TENT5C: variants seen among roughly 807,000 people sequenced by gnomAD.
The protein encoded by TENT5C is terminal nucleotidyltransferase 5C.
Under a neutral mutation model 22.2 loss-of-function variants are expected in TENT5C, and 5 were observed. That is an observed-to-expected ratio of 0.22 (90% CI 0.12 to 0.47). TENT5C has a LOEUF of 0.47. TENT5C is among the 20% of genes least tolerant of loss of function. TENT5C has a pLI of 0.99. For missense variants in TENT5C, 364 were observed against 500.9 expected, an observed-to-expected ratio of 0.73 and a Z score of 2.61; for synonymous variants, 199 against 195.4, an observed-to-expected ratio of 1.02 and a Z score of -0.15.
At chr1:117,618,619 G>T (rs1653835196) in intron 1 of TENT5C, among the ~76,000 whole-genome samples, 1 of 152,140 alleles carries the variant, frequency 6.6e-6, no homozygotes, top group Non-Finnish European at 1.5e-5. Context: ...GGAAAAAGGG[G>T]ATTGAAGAAG....
chr1:117,623,636 G>A lies in TENT5C; in HGVS notation c.768G>A (p.Arg256=), dbSNP rs376031473. ...KYSNLLVRDF[R]PTDQEEIKTL... ...GCAACCTTCTTGTGCGGGACTTCAG[G>A]CCCACAGACCAGGAAGAAATCAAAA... is the stretch of plus-strand genomic sequence containing the variant. The change falls in exon 2 of 2, where the codon AGG becomes AGA. Residue 256 remains arginine (R), a synonymous_variant. Coordinates refer to ENST00000369448, the MANE Select transcript of TENT5C (RefSeq NM_017709.4). 11 of 1,613,656 alleles carry A rather than the reference G, an allele frequency of 6.8e-6. No homozygotes were observed. The African/African-American group carries it at 1.3e-4, about 20-fold the overall frequency.
In TENT5C at chr1:117,626,903, G is replaced by A. The variant is rs377050301; in HGVS notation, c.*2859G>A. The A allele has an allele frequency of 8.1e-6, 2 of 248,084 alleles. No individual in the cohort carries two copies. Among genetic ancestry groups the A allele is most frequent in the East Asian group, 6.0e-5 (1 of 16,606 alleles). The allele number at this position is 248,084 out of a possible 1,614,324, so 15.4% of individuals were successfully genotyped here. A position where few individuals can be genotyped will look rare whatever the true frequency, so the allele number is the denominator to read the frequency against. On this transcript the variant is annotated 3_prime_UTR_variant, in exon 2 of 2. Transcript: ENST00000369448. ...GAGTCAGGTTGAGCATCAGTGAGAT[G>A]AAGACAGTACCTTTTCCTCTCACAT...
chr1:117,622,747 A>C, intron 1 of TENT5C, 95 bp from the exon 2 acceptor site: 3 of 799,938 alleles, frequency 3.8e-6, no homozygotes, highest in East Asian at 2.7e-5. Context: ...ACCATTTTAC[A>C]GGAAGATGTT....
At chr1:117,609,590 C>T (rs553877150) in intron 1 of TENT5C, among the ~76,000 whole-genome samples, 1 of 152,144 alleles carries the variant, frequency 6.6e-6, no homozygotes, top group Non-Finnish European at 1.5e-5. Flanking sequence ...GTGCTGAGGA[C>T]GCCAAGGCAG....
At position 117,623,276 on chromosome 1, in the gene TENT5C, G is replaced by T; in HGVS notation, c.408G>T (p.Glu136Asp). 1 of 1,614,158 alleles carries T rather than the reference G, an allele frequency of 6.2e-7. No homozygotes were observed. The highest frequency in any genetic ancestry group is 1.1e-5 in the South Asian group (1 of 91,070). ...KLKISPVTLK[E>D]AYVQKLVKVC... ...AAATCAGTCCAGTCACTCTGAAGGA[G>T]GCATATGTGCAGAAGCTAGTGAAGG... Residue 136 changes from glutamate (E) to aspartate (D), a missense_variant, in exon 2 of 2, where the codon GAG becomes GAT. Around this residue, in one of 3 missense-constraint regions of TENT5C, gnomAD observed 303 missense variants for 394.5 expected, o/e 0.77. Transcript: ENST00000369448.
rs1355347862 is a variant in TENT5C, at chr1:117,626,135, A to G, written c.*2091A>G. On this transcript the variant is annotated 3_prime_UTR_variant, in exon 2 of 2. Transcript: ENST00000369448. ...TGTTTAACCAAAGCTTTGAAATGTG[A>G]TGAAGCCACCAACATAAGCACTTGC... 1 of 247,872 alleles carries G rather than the reference A, an allele frequency of 4.0e-6. No homozygotes were observed. The highest frequency in any genetic ancestry group is 8.5e-6 in the Non-Finnish European group (1 of 118,024). The allele number at this position is 247,872 out of a possible 1,614,324, so 15.4% of individuals were successfully genotyped here. A position where few individuals can be genotyped will look rare whatever the true frequency, so the allele number is the denominator to read the frequency against.
chr1:117,620,736 T>G (rs1364994255), intron 1 of TENT5C, among the ~76,000 whole-genome samples: 1 of 152,064 alleles, frequency 6.6e-6, no homozygotes, highest in African/African-American at 2.4e-5. Flanking sequence ...TGAACCCTAG[T>G]GTGAGCTGAG....
Position 117,618,355 on chromosome 1 carries a change from G to A in TENT5C, c.-27-4487G>A, listed in dbSNP as rs554750760. ...AAATTTCTTTTGGTTAACATAGAAT[G>A]AGATGAGAGGAGATGGATTTGCATG... On this transcript the variant is annotated intron_variant, in intron 1 of 1. Coordinates refer to ENST00000369448, the MANE Select transcript of TENT5C (RefSeq NM_017709.4). 2.2e-4 allele frequency among the ~76,000 whole-genome samples: 33 copies of A among 152,186 alleles called. 1 individual carries two copies. Among genetic ancestry groups the A allele is most frequent in the African/African-American group, 5.8e-4 (24 of 41,520 alleles).
intron 1 of TENT5C, among the ~76,000 whole-genome samples, chr1:117,612,818 T>A (rs1653697871): frequency 6.6e-6 from 1 of 152,254 alleles, no homozygotes; most frequent in South Asian, 2.1e-4. Flanking sequence ...CCTTTCCTGA[T>A]AAGGCCTGGG....
At chr1:117,619,659 T>C (rs1653854519) in intron 1 of TENT5C, among the ~76,000 whole-genome samples, 2 of 152,218 alleles carry the variant, frequency 1.3e-5, no homozygotes, top group Non-Finnish European at 2.9e-5. Context: ...TAGAGTTTCA[T>C]GCTTTTACAT....
chr1:117,618,298 G>T, intron 1 of TENT5C, among the ~76,000 whole-genome samples: 1 of 152,026 alleles, frequency 6.6e-6, no homozygotes, highest in Admixed American at 6.6e-5. Context: ...TGTTTGAAAT[G>T]AGAAATAGCA....
At chr1:117,614,818 A>G (rs1329811098) in intron 1 of TENT5C, among the ~76,000 whole-genome samples, 2 of 151,910 alleles carry the variant, frequency 1.3e-5, no homozygotes, top group Non-Finnish European at 2.9e-5. Context: ...TCCTCTTATT[A>G]CTAGTTCAGC....
At chr1:117,610,394 C>T (rs1039155258) in intron 1 of TENT5C, among the ~76,000 whole-genome samples, 1 of 152,150 alleles carries the variant, frequency 6.6e-6, no homozygotes, top group Admixed American at 6.5e-5. Context: ...AACAGATACT[C>T]ATATCTGCAC....
intron 1 of TENT5C, among the ~76,000 whole-genome samples, chr1:117,617,228 A>C (rs1429397288): frequency 6.6e-6 from 1 of 151,862 alleles, no homozygotes; most frequent in African/African-American, 2.4e-5. Context: ...TTCAGTGCTC[A>C]AACATAGGTT....
rs1293387089 is a variant in TENT5C at position 117,625,973 on chromosome 1, C to T, written c.*1929C>T. On this transcript the variant is annotated 3_prime_UTR_variant, in exon 2 of 2. Coordinates refer to ENST00000369448, the MANE Select transcript of TENT5C (RefSeq NM_017709.4). ...CTAATTGAGGGGACCCAGTGTGCTT[C>T]AGTGTTAAGAGTGGGGCAATGAAGA... The T allele has an allele frequency of 4.0e-6, 1 of 247,440 alleles. No homozygotes were observed. The highest frequency in any genetic ancestry group is 8.5e-6 in the Non-Finnish European group (1 of 117,872). The allele number at this position is 247,440 out of a possible 1,614,324, so 15.3% of individuals were successfully genotyped here. A position where few individuals can be genotyped will look rare whatever the true frequency, so the allele number is the denominator to read the frequency against.
chr1:117,617,163 C>T (rs1437257529), intron 1 of TENT5C, among the ~76,000 whole-genome samples: 2 of 152,104 alleles, frequency 1.3e-5, no homozygotes, highest in Non-Finnish European at 2.9e-5. Flanking sequence ...CTGGCTAGTC[C>T]AGAGATCTAG....
intron 1 of TENT5C, among the ~76,000 whole-genome samples, chr1:117,607,171 C>T (rs1200227153): frequency 6.6e-6 from 1 of 152,168 alleles, no homozygotes; most frequent in African/African-American, 2.4e-5. Flanking sequence ...AGCGCTACCT[C>T]CAAGTAAGGG....
chr1:117,607,857 GCT>G (rs2101071266), intron 1 of TENT5C, among the ~76,000 whole-genome samples: 1 of 152,274 alleles, frequency 6.6e-6, no homozygotes, highest in South Asian at 2.1e-4. Flanking sequence ...TCTGAGCTGG[GCT>G]GCAGGGGTTC....
In TENT5C at chr1:117,623,073, G is replaced by A. The variant is rs745917069; in HGVS notation, c.205G>A (p.Val69Ile). The change falls in exon 2 of 2, where the codon GTC becomes ATC. Residue 69 changes from valine to isoleucine, a missense_variant. Physicochemically the swap from Val to Ile is conservative, Grantham distance 29 (BLOSUM62 3). Transcript: ENST00000369448. ...LEEAGIKVHD[V>I]RLNGSAAGHV... is the part of the protein sequence containing the mutation. Reference sequence around the variant, plus strand: ...GGAGGCAGGCATCAAAGTGCACGACGTCCGGCTGAATGGCTCCGCAGCTGG... The same window carrying A: ...GGAGGCAGGCATCAAAGTGCACGACATCCGGCTGAATGGCTCCGCAGCTGG... 13 of 1,614,088 alleles carry A rather than the reference G, an allele frequency of 8.1e-6. No individual in the cohort carries two copies. Among genetic ancestry groups the A allele is most frequent in the South Asian group, 7.7e-5 (7 of 91,084 alleles).
Sources: allele counts gnomAD v4.1 joint callset (sites outside exome capture counted in the v4.1 genomes callset), GRCh38; gene constraint gnomAD v4.1.1; regional missense constraint gnomAD v4.1.1; transcripts MANE v1.5; gene names NCBI Gene and HGNC (gene_info 2026-07-23, HGNC 2026-07-21).